The following WASHC3 variants were observed in gnomAD, a reference collection of about 807,000 sequenced individuals.
The protein encoded by WASHC3 is WASH complex subunit 3, also known as WASH complex subunit CCDC53.
WASHC3 carries 24 observed loss-of-function variants against 26.1 expected under a neutral mutation model. The observed-to-expected ratio is 0.92, with a 90% confidence interval of 0.66 to 1.29. The LOEUF is 1.29. Ranked by LOEUF, WASHC3 falls within the 50% of genes most tolerant of loss-of-function variation. The pLI, the probability that WASHC3 is intolerant of heterozygous loss-of-function variation, is 0.00. For missense variants in WASHC3, 214 were observed against 229.6 expected (o/e 0.93, Z 0.44); for synonymous variants, 77 against 75.7 (o/e 1.02, Z -0.09).
At position 102,039,912 on chromosome 12, in the gene WASHC3, C is replaced by A; in HGVS notation, c.391G>T (p.Ala131Ser). The A allele has an allele frequency of 6.2e-7, 1 of 1,605,368 alleles. No individual in the cohort carries two copies. Among genetic ancestry groups the A allele is most frequent in the East Asian group, 2.2e-5 (1 of 44,686 alleles). The part of the protein sequence containing the change: ...EVSAENILTV[A>S]KDPRYARYLK... The stretch of plus-strand genomic sequence containing the variant: ...TATCTGGCATATCTTGGATCCTTGG[C>A]TACAGTTAAGATATTTTCTGCTGAT... Residue 131 changes from alanine (A) to serine (S), a missense_variant, in exon 5 of 7, where the codon GCC becomes TCC. Transcript: ENST00000240079.
intron 2 of WASHC3, among the ~76,000 whole-genome samples, chr12:102,053,096 C>A (rs984581285): frequency 6.6e-6 from 1 of 152,028 alleles, no homozygotes; most frequent in African/African-American, 2.4e-5. Flanking sequence ...GACTCAGGCT[C>A]CAGGCTAGTC....
At chr12:102,024,583 T>C (rs1877095308) in intron 6 of WASHC3, among the ~76,000 whole-genome samples, 1 of 152,206 alleles carries the variant, frequency 6.6e-6, no homozygotes, top group Non-Finnish European at 1.5e-5. Flanking sequence ...GGACAGGGGA[T>C]GAAATGAAGC....
chr12:102,025,283 C>T (rs1250825587), intron 6 of WASHC3, among the ~76,000 whole-genome samples: 1 of 152,022 alleles, frequency 6.6e-6, no homozygotes, highest in Non-Finnish European at 1.5e-5. Context: ...CTGAAGAATG[C>T]ATTACGATAT....
At chr12:102,039,120 G>A (rs965575040) in intron 5 of WASHC3, among the ~76,000 whole-genome samples, 1 of 145,660 alleles carries the variant, frequency 6.9e-6, no homozygotes, top group East Asian at 2.0e-4. Flanking sequence ...GCCATCATAT[G>A]GAGTTAGGTT....
chr12:102,031,385 A>C (rs1877432489), intron 5 of WASHC3, among the ~76,000 whole-genome samples: 3 of 152,196 alleles, frequency 2.0e-5, no homozygotes, highest in Admixed American at 6.5e-5. Context: ...GTCAGAGGTC[A>C]CTTGAATCCC....
intron 2 of WASHC3, among the ~76,000 whole-genome samples, chr12:102,046,439 C>T (rs1398668015): frequency 6.6e-6 from 1 of 152,088 alleles, no homozygotes; most frequent in Admixed American, 6.5e-5. Context: ...GGACTACAGG[C>T]ACGTGCCACC....
chr12:102,047,800 A>C (rs1234030484), intron 2 of WASHC3, among the ~76,000 whole-genome samples: 2 of 152,234 alleles, frequency 1.3e-5, no homozygotes, highest in Non-Finnish European at 2.9e-5. Context: ...TTTAAGCAAT[A>C]ATCATCAATA....
intron 2 of WASHC3, among the ~76,000 whole-genome samples, chr12:102,046,421 G>C (rs944117311): frequency 6.6e-6 from 1 of 151,902 alleles, no homozygotes; most frequent in South Asian, 2.1e-4. Context: ...TCAGCCTCCC[G>C]AGTGCTGGGA....
intron 6 of WASHC3, among the ~76,000 whole-genome samples, chr12:102,013,997 A>T (rs978946890): frequency 2.4e-4 from 37 of 151,894 alleles, no homozygotes; most frequent in Non-Finnish European, 4.0e-4. Context: ...CACTCTTACC[A>T]AGAAAGTAAA....
At position 102,061,795 on chromosome 12, in the gene WASHC3, C is replaced by A. The variant is rs1429607732; in HGVS notation, c.51+117G>T. Reference sequence around the variant, plus strand: ...CTCCTGAGGCCCCACAGGCCTGTCACAAGGGCCCGAGGCCGTGACAGGGTG... The same window carrying A: ...CTCCTGAGGCCCCACAGGCCTGTCAAAAGGGCCCGAGGCCGTGACAGGGTG... On this transcript the variant is annotated intron_variant, in intron 1 of 6. Coordinates refer to ENST00000240079, the MANE Select transcript of WASHC3 (RefSeq NM_016053.4). The A allele has an allele frequency of 3.5e-6, 3 of 845,528 alleles. No homozygotes were observed. In the African/African-American group the frequency reaches 5.1e-5, roughly 14 times the overall value. 52.4% of individuals were successfully genotyped at this position (845,528 alleles called of 1,614,324 possible).
chr12:102,034,987 T>C (rs1258188511), intron 5 of WASHC3, among the ~76,000 whole-genome samples: 1 of 152,066 alleles, frequency 6.6e-6, no homozygotes, highest in Non-Finnish European at 1.5e-5. Context: ...TACACATATA[T>C]GGAAATTCTT....
intron 5 of WASHC3, among the ~76,000 whole-genome samples, chr12:102,039,434 T>C (rs1180249480): frequency 6.6e-6 from 1 of 152,108 alleles, no homozygotes; most frequent in East Asian, 1.9e-4. Flanking sequence ...AAAATATGAA[T>C]TCTGAAGTCA....
At chr12:102,027,285 A>G (rs548435898) in intron 5 of WASHC3, among the ~76,000 whole-genome samples, 101 of 152,292 alleles carry the variant, frequency 6.6e-4, no homozygotes, top group African/African-American at 2.1e-3. Flanking sequence ...ATATACACAA[A>G]TCTTTATATA....
chr12:102,056,595 A>G lies in WASHC3; in HGVS notation c.150+4653T>C, dbSNP rs116988751. 3.7e-3 allele frequency among the ~76,000 whole-genome samples: 562 copies of G among 152,346 alleles called. 2 individuals carry two copies. Among genetic ancestry groups the G allele is most frequent in the Non-Finnish European group, 6.3e-3 (427 of 68,022 alleles). On this transcript the variant is annotated intron_variant, in intron 2 of 6. Coordinates refer to ENST00000240079, the MANE Select transcript of WASHC3 (RefSeq NM_016053.4). ...ATACTCCAATAAACATGACTTTACA[A>G]TTAAAACAAAAGAAATATGAAGGCT...
chr12:102,019,389 T>A, intron 6 of WASHC3: 1 of 385,466 alleles, frequency 2.6e-6, no homozygotes, highest in Non-Finnish European at 5.1e-6. Flanking sequence ...TTGTTTTTCA[T>A]GGAAAGAAAT....
At chr12:102,021,451 C>T (rs922109296) in intron 6 of WASHC3, among the ~76,000 whole-genome samples, 2 of 152,188 alleles carry the variant, frequency 1.3e-5, no homozygotes, top group Non-Finnish European at 2.9e-5. Context: ...ACTCACAGAC[C>T]ACAACTGCTT....
chr12:102,053,558 C>T (rs1267500891), intron 2 of WASHC3, among the ~76,000 whole-genome samples: 1 of 152,168 alleles, frequency 6.6e-6, no homozygotes, highest in Non-Finnish European at 1.5e-5. Flanking sequence ...CAAGAATAAT[C>T]AGAGAAACAC....
chr12:102,020,337 T>A (rs541922609), intron 6 of WASHC3, among the ~76,000 whole-genome samples: 6 of 152,188 alleles, frequency 3.9e-5, no homozygotes, highest in Admixed American at 3.9e-4. Context: ...TGACACTGAG[T>A]CCCTAGATCC....
At chr12:102,015,620 T>G (rs1162253253) in intron 6 of WASHC3, among the ~76,000 whole-genome samples, 1 of 152,240 alleles carries the variant, frequency 6.6e-6, no homozygotes, top group Non-Finnish European at 1.5e-5. Flanking sequence ...TTATGATGAT[T>G]TATTTTCATC....
Sources: allele counts gnomAD v4.1 joint callset (sites outside exome capture counted in the v4.1 genomes callset), GRCh38; gene constraint gnomAD v4.1.1; transcripts MANE v1.5; gene names NCBI Gene and HGNC (gene_info 2026-07-23, HGNC 2026-07-21).